RSPH10B2: variants seen among roughly 807,000 people sequenced by gnomAD.
RSPH10B2 encodes the protein radial spoke head 10 homolog B2.
In RSPH10B2, 9 loss-of-function variants were observed where a neutral mutation model predicts 49.0. The observed-to-expected ratio is 0.18, with a 90% CI of 0.11 to 0.32. RSPH10B2 has a LOEUF of 0.32. Among genes scored for constraint, RSPH10B2 ranks in the 10% least tolerant of loss-of-function variants. The probability of loss-of-function intolerance (pLI) is 1.00; values close to 1 mark genes in which losing one functional copy is unlikely to be tolerated. For missense variants in RSPH10B2, 95 were observed against 589.9 expected (o/e 0.16, Z 8.69); for synonymous variants, 35 against 210.2 (o/e 0.17, Z 7.21).
At chr7:6,757,912 A>C in exon 1 of RSPH10B2, 1 of 1,590,116 alleles carries the variant, frequency 6.3e-7, no homozygotes, top group Non-Finnish European at 8.6e-7. Context: ...GTCCATTCTG[A>C]CCAAACTCAT....
At chr7:6,756,178 G>A (rs1313457785), upstream of RSPH10B2, among the ~76,000 whole-genome samples, 3 of 143,608 alleles carry the variant, frequency 2.1e-5, no homozygotes, top group Admixed American at 6.9e-5. Flanking sequence ...GCTGAGGCAG[G>A]AGAATGGCAT....
chr7:6,763,750 G>A (rs1276846117), intron 3 of RSPH10B2, among the ~76,000 whole-genome samples, 178 bp from the exon 6 acceptor site: 6 of 145,938 alleles, frequency 4.1e-5, no homozygotes, highest in African/African-American at 1.5e-4. Context: ...GAGAGGATGC[G>A]ATGAGAGCAG....
rs1186582095 is a variant in RSPH10B2 at position 6,782,735 on chromosome 7, T to G, written c.1758+1259T>G. On this transcript the variant is annotated intron_variant, in intron 13 of 18. Transcript: ENST00000297186. ...CTTTCGACTAAAAATACAAAAAAAT[T>G]AGCCAGGCATGGTGGCCAGAGCCTG... 1.7e-5 allele frequency among the ~76,000 whole-genome samples: 2 copies of G among 116,752 alleles called. 1 individual carries two copies. The highest frequency in any genetic ancestry group is 3.5e-5 in the Non-Finnish European group (2 of 56,564). The allele number at this position is 116,752 out of a possible 152,430, so 76.6% of individuals were successfully genotyped here. A position where few individuals can be genotyped will look rare whatever the true frequency, so the allele number is the denominator to read the frequency against.
Position 6,787,032 on chromosome 7 carries a change from A to G in RSPH10B2, c.2010+11A>G, listed in dbSNP as rs1313650657. The G allele has an allele frequency of 6.3e-6, 4 of 636,406 alleles. 1 individual carries two copies. Among genetic ancestry groups the G allele is most frequent in the South Asian group, 5.9e-5 (3 of 51,060 alleles). The allele number at this position is 636,406 out of a possible 1,614,324, so 39.4% of individuals were successfully genotyped here. The stretch of plus-strand genomic sequence containing the variant: ...ACAATACTAAATCAGGTAACACATA[A>G]TATCTTAGAATTAGGTAATCTTAGA... On this transcript the variant is annotated intron_variant, in intron 15 of 18. Coordinates refer to ENST00000297186, the Ensembl canonical transcript of RSPH10B2.
At chr7:6,769,662 C>T (rs1181830585) in intron 7 of RSPH10B2, among the ~76,000 whole-genome samples, 1 of 117,432 alleles carries the variant, frequency 8.5e-6, no homozygotes, top group African/African-American at 3.7e-5. Flanking sequence ...GATCTCAGCT[C>T]GCTGCAACCT....
At chr7:6,764,677 AT>A (rs1312704438) in intron 4 of RSPH10B2, among the ~76,000 whole-genome samples, 3 of 151,874 alleles carry the variant, frequency 2.0e-5, no homozygotes, top group South Asian at 2.1e-4. Flanking sequence ...GCATGCTTTA[AT>A]AGGCTATTTA....
chr7:6,786,178 C>CTTTTT (rs1266902018), intron 14 of RSPH10B2, 122 bp downstream of exon 16: 73 of 142,556 alleles, frequency 5.1e-4, no homozygotes, highest in Non-Finnish European at 6.0e-4. Context: ...TTCACTGATG[C>CTTTTT]TTTTTTTTTT....
intron 4 of RSPH10B2, among the ~76,000 whole-genome samples, chr7:6,764,709 T>C (rs1172292331): frequency 1.7e-4 from 2 of 11,936 alleles, no homozygotes; most frequent in African/African-American, 5.7e-4. Context: ...TTGTTGTTGT[T>C]GTGTGTGTGT....
chr7:6,766,861 G>A lies in RSPH10B2; in HGVS notation c.764G>A (p.Trp255Ter), dbSNP rs1414822526. 4.0e-6 allele frequency: 3 copies of A among 749,508 alleles called. No homozygotes were observed. In the East Asian group the frequency reaches 8.3e-5, roughly 21 times the overall value. 46.4% of individuals were successfully genotyped at this position (749,508 alleles called of 1,614,324 possible). A position where few individuals can be genotyped will look rare whatever the true frequency, so the allele number is the denominator to read the frequency against. Reference sequence around the variant, plus strand: ...ACCAACGAAGAGTACACCGGGCGGTGGGAGAGGGGCATCCAGGTACGCCCG... The same window carrying A: ...ACCAACGAAGAGTACACCGGGCGGTAGGAGAGGGGCATCCAGGTACGCCCG... The change falls in exon 6 of 19, where the codon TGG becomes TAG. Residue 255 changes from tryptophan (W) to a stop codon, truncating the protein, a stop_gained. Coordinates refer to ENST00000297186, the Ensembl canonical transcript of RSPH10B2. LOFTEE classifies it high-confidence loss of function.
chr7:6,796,335 G>T (rs1369005654), intron 17 of RSPH10B2, among the ~76,000 whole-genome samples: 1 of 126,370 alleles, frequency 7.9e-6, no homozygotes, highest in African/African-American at 2.8e-5. Flanking sequence ...AAACAAAAAA[G>T]AAAAAACGAG....
At chr7:6,765,057 C>T (rs1781418592) in intron 4 of RSPH10B2, among the ~76,000 whole-genome samples, 1 of 33,646 alleles carries the variant, frequency 3.0e-5, no homozygotes, top group African/African-American at 1.2e-4. Context: ...CAACTGTTCA[C>T]TCCAGGTGGC....
chr7:6,794,389 G>A (rs1370038731), intron 17 of RSPH10B2: 1 of 149,856 alleles, frequency 6.7e-6, no homozygotes, highest in African/African-American at 2.5e-5. Flanking sequence ...ACTCTTCACA[G>A]AGATTCGGCC....
Position 6,780,897 on chromosome 7 carries a change from A to G in RSPH10B2, c.1609+9A>G, listed in dbSNP as rs370691429. On this transcript the variant is annotated intron_variant, in intron 12 of 18. Coordinates refer to ENST00000297186, the Ensembl canonical transcript of RSPH10B2. Reference sequence around the variant, plus strand: ...TGCCTGCCAGATAAAAGGTAAATACAAAACCAATAGGATTCTATTTACCGC... The same window carrying G: ...TGCCTGCCAGATAAAAGGTAAATACGAAACCAATAGGATTCTATTTACCGC... 39 of 1,455,608 alleles carry G rather than the reference A, an allele frequency of 2.7e-5. 8 individuals carry two copies. Among genetic ancestry groups the G allele is most frequent in the Non-Finnish European group, 4.5e-6 (5 of 1,102,448 alleles). 90.2% of individuals were successfully genotyped at this position (1,455,608 alleles called of 1,614,324 possible).
chr7:6,764,442 C>G (rs1208473985), intron 4 of RSPH10B2, among the ~76,000 whole-genome samples: 1 of 150,892 alleles, frequency 6.6e-6, no homozygotes, highest in East Asian at 2.0e-4. Flanking sequence ...CTCACTGCAA[C>G]CTCTGCCTCC....
chr7:6,765,920 G>C lies in RSPH10B2; in HGVS notation c.659+129G>C. Reference sequence around the variant, plus strand: ...GAACATTTTCTCTCTAAGCAGAGTGGATTTTTTCTCTTTTCTTTGAGACGG... The same window carrying C: ...GAACATTTTCTCTCTAAGCAGAGTGCATTTTTTCTCTTTTCTTTGAGACGG... On this transcript the variant is annotated intron_variant, in intron 5 of 18. Coordinates refer to ENST00000297186, the Ensembl canonical transcript of RSPH10B2. 6.2e-6 allele frequency: 5 copies of C among 802,278 alleles called. 1 individual carries two copies. In the South Asian group the frequency reaches 1.7e-4, roughly 28 times the overall value. The allele number at this position is 802,278 out of a possible 1,614,324, so 49.7% of individuals were successfully genotyped here. A position where few individuals can be genotyped will look rare whatever the true frequency, so the allele number is the denominator to read the frequency against.
At chr7:6,768,112 G>A (rs1781519269) in intron 6 of RSPH10B2, among the ~76,000 whole-genome samples, 1 of 127,940 alleles carries the variant, frequency 7.8e-6, no homozygotes, top group Non-Finnish European at 1.6e-5. Flanking sequence ...TTGAGTCTTG[G>A]AGGTTGAGGC....
chr7:6,776,873 TCACACACACACACACA>T (rs746541740), intron 10 of RSPH10B2, among the ~76,000 whole-genome samples: 13 of 111,072 alleles, frequency 1.2e-4, no homozygotes, highest in African/African-American at 3.8e-4. Context: ...CGAGACTCCA[TCACACACACACACACA>T]CACACACACA....
In RSPH10B2 at chr7:6,791,978, CT is replaced by C; in HGVS notation, c.2219del (p.Phe740SerfsTer31). 2 of 461,892 alleles carry C rather than the reference CT, an allele frequency of 4.3e-6. No homozygotes were observed. The highest frequency in any genetic ancestry group is 6.0e-5 in the African/African-American group (2 of 33,584). The allele number at this position is 461,892 out of a possible 1,614,324, so 28.6% of individuals were successfully genotyped here. A position where few individuals can be genotyped will look rare whatever the true frequency, so the allele number is the denominator to read the frequency against. On this transcript the variant is annotated frameshift_variant, in exon 17 of 19. Transcript: ENST00000297186. LOFTEE classifies it high-confidence loss of function. ...TTAAATTGACTGGAAAAGGGATCAC[CT>C]TTTTCTCATCTGAGAGCAGTGAGTA... is the stretch of plus-strand genomic sequence containing the variant.
chr7:6,784,565 C>CATT (rs1188091929), intron 13 of RSPH10B2, among the ~76,000 whole-genome samples: 19 of 49,896 alleles, frequency 3.8e-4, no homozygotes, highest in Non-Finnish European at 3.8e-4. Context: ...CCTCACTTAA[C>CATT]ATTATTATTA....
Sources: allele counts gnomAD v4.1 joint callset (sites outside exome capture counted in the v4.1 genomes callset), GRCh38; gene constraint gnomAD v4.1.1; transcripts MANE v1.5; gene names NCBI Gene and HGNC (gene_info 2026-07-23, HGNC 2026-07-21).